Variants in TNFSF4 observed in about 807,000 individuals in gnomAD.
TNFSF4 encodes the protein TNF superfamily member 4, also known as tumor necrosis factor ligand superfamily member 4.
TNFSF4 carries 4 observed loss-of-function variants against 7.3 expected under a neutral mutation model. The observed-to-expected ratio is 0.55, with a 90% CI of 0.27 to 1.25. The LOEUF is 1.25. Ranked by LOEUF, TNFSF4 falls within the 50% of genes most tolerant of loss-of-function variation. TNFSF4 has a pLI of 0.12. For missense variants in TNFSF4, 181 were observed against 208.8 expected, an observed-to-expected ratio of 0.87 and a Z score of 0.82; for synonymous variants, 76 against 83.7, an observed-to-expected ratio of 0.91 and a Z score of 0.50.
At position 173,187,303 on chromosome 1, in the gene TNFSF4, C is replaced by T. The variant is rs560468369; in HGVS notation, c.203-438G>A. On this transcript the variant is annotated intron_variant, in intron 2 of 2. Transcript: ENST00000281834. The stretch of plus-strand genomic sequence containing the variant: ...AAGGATGGATTGGCAACTTCAGTGC[C>T]TCCTTTCTTGCTCAGTGGATGAACT... Among the ~76,000 whole-genome samples, 3 of 152,310 alleles carry T rather than the reference C, an allele frequency of 2.0e-5. No homozygotes were observed. The South Asian group carries it at 6.2e-4, about 32-fold the overall frequency.
the TNFSF4 span, among the ~76,000 whole-genome samples, chr1:173,432,634 C>A: frequency 7.9e-5 from 12 of 151,804 alleles, no homozygotes; most frequent in Non-Finnish European, 1.6e-4. Flanking sequence ...TGTGTACATT[C>A]TTTTATGGCA....
At chr1:173,325,023 A>T in the TNFSF4 span, among the ~76,000 whole-genome samples, 4 of 152,240 alleles carry the variant, frequency 2.6e-5, no homozygotes, top group East Asian at 7.7e-4. Context: ...CCTAAGAGAC[A>T]TCTACAGAAC....
chr1:173,437,388 TTAA>T, the TNFSF4 span, among the ~76,000 whole-genome samples: 2 of 152,214 alleles, frequency 1.3e-5, no homozygotes, highest in Non-Finnish European at 2.9e-5. Flanking sequence ...TAGCTTATTA[TTAA>T]TTATTTGCTT....
chr1:173,411,316 T>C, the TNFSF4 span, among the ~76,000 whole-genome samples: 6 of 152,206 alleles, frequency 3.9e-5, no homozygotes, highest in Admixed American at 1.3e-4. Context: ...GGGTTCCAGC[T>C]GTAGTTCTGG....
At chr1:173,373,283 A>G in the TNFSF4 span, among the ~76,000 whole-genome samples, 1 of 152,228 alleles carries the variant, frequency 6.6e-6, no homozygotes, top group African/African-American at 2.4e-5. Flanking sequence ...AAAAGGCAGA[A>G]GGAAACCATC....
chr1:173,234,408 T>C, the TNFSF4 span, among the ~76,000 whole-genome samples: 65,858 of 151,930 alleles, frequency 0.43, 14,454 homozygotes, highest in Admixed American at 0.53. Flanking sequence ...GGATCTAGAA[T>C]TAGAAATACC....
chr1:173,188,334 C>T (rs1649319112), intron 2 of TNFSF4, 187 bp downstream of exon 2: 7 of 583,202 alleles, frequency 1.2e-5, no homozygotes, highest in Non-Finnish European at 2.1e-5. Flanking sequence ...AATTAATCCC[C>T]TTTTCTCTTT....
chr1:173,186,800 T>C lies in TNFSF4; in HGVS notation c.268A>G (p.Asn90Asp), dbSNP rs201250869. ...QKEDEIMKVQ[N>D]NSVIINCDGF... The stretch of plus-strand genomic sequence containing the variant: ...TCACAGTTGATGATGACTGAGTTGT[T>C]CTGCACCTTCATGATTTCATCCTCC... Residue 90 changes from asparagine (N) to aspartate (D), a missense_variant, in exon 3 of 3, where the codon AAC (asparagine) becomes GAC (aspartate). Coordinates refer to ENST00000281834, the MANE Select transcript of TNFSF4 (RefSeq NM_003326.5). 2 of 1,613,580 alleles carry C rather than the reference T, an allele frequency of 1.2e-6. No individual in the cohort carries two copies. Among genetic ancestry groups the C allele is most frequent in the Non-Finnish European group, 1.7e-6 (2 of 1,179,758 alleles).
chr1:173,422,872 C>T, the TNFSF4 span, among the ~76,000 whole-genome samples: 1 of 152,142 alleles, frequency 6.6e-6, no homozygotes, highest in Non-Finnish European at 1.5e-5. Context: ...AGACGGTGGA[C>T]ACCACCAGAT....
the TNFSF4 span, among the ~76,000 whole-genome samples, chr1:173,353,832 T>G: frequency 6.6e-6 from 1 of 152,230 alleles, no homozygotes; most frequent in East Asian, 1.9e-4. Context: ...GGAATCAGTT[T>G]TAATTGTATT....
the TNFSF4 span, among the ~76,000 whole-genome samples, chr1:173,434,728 T>C: frequency 6.6e-6 from 1 of 152,216 alleles, no homozygotes; most frequent in Non-Finnish European, 1.5e-5. Context: ...GGAACCATAA[T>C]ACCATCTGGG....
Position 173,186,515 on chromosome 1 carries a change from C to G in TNFSF4, c.*1G>C, listed in dbSNP as rs370155078. The G allele has an allele frequency of 2.6e-5, 42 of 1,608,318 alleles. No individual in the cohort carries two copies. Among genetic ancestry groups the G allele is most frequent in the Middle Eastern group, 1.7e-4 (1 of 6,036 alleles). Reference sequence around the variant, plus strand: ...TGGTTTTAGATATTGCCATCAGCCCCTCAAAGGACACAGAATTCACCAGGA... The same window carrying G: ...TGGTTTTAGATATTGCCATCAGCCCGTCAAAGGACACAGAATTCACCAGGA... On this transcript the variant is annotated 3_prime_UTR_variant, in exon 3 of 3. Coordinates refer to ENST00000281834, the MANE Select transcript of TNFSF4 (RefSeq NM_003326.5).
chr1:173,374,137 G>C, the TNFSF4 span, among the ~76,000 whole-genome samples: 3 of 152,190 alleles, frequency 2.0e-5, no homozygotes, highest in East Asian at 5.8e-4. Context: ...ATGGGGCTCA[G>C]TCAATATGAT....
the TNFSF4 span, among the ~76,000 whole-genome samples, chr1:173,327,114 C>T: frequency 2.6e-5 from 4 of 152,294 alleles, no homozygotes; most frequent in Non-Finnish European, 4.4e-5. Context: ...TGACTTCAAA[C>T]TATACTACAA....
At chr1:173,192,422 G>T (rs1649525979) in intron 1 of TNFSF4, among the ~76,000 whole-genome samples, 1 of 152,060 alleles carries the variant, frequency 6.6e-6, no homozygotes, top group African/African-American at 2.4e-5. Context: ...AAGACATGGA[G>T]GAATATTAAA....
At chr1:173,178,158 T>C in the TNFSF4 span, among the ~76,000 whole-genome samples, 1 of 152,182 alleles carries the variant, frequency 6.6e-6, no homozygotes, top group Non-Finnish European at 1.5e-5. Context: ...AAAAATCACA[T>C]GTTTCATAGT....
At chr1:173,191,255 T>C (rs1649464332) in intron 1 of TNFSF4, among the ~76,000 whole-genome samples, 2 of 152,200 alleles carry the variant, frequency 1.3e-5, no homozygotes, top group African/African-American at 4.8e-5. Flanking sequence ...TGTTGGAGTC[T>C]AGACTTCCAG....
chr1:173,321,274 T>C, the TNFSF4 span, among the ~76,000 whole-genome samples: 2 of 152,192 alleles, frequency 1.3e-5, no homozygotes, highest in Admixed American at 6.5e-5. Flanking sequence ...TGGCTAGCCA[T>C]ATGCAGAAAA....
chr1:173,301,060 C>A, the TNFSF4 span, among the ~76,000 whole-genome samples: 4 of 151,932 alleles, frequency 2.6e-5, no homozygotes, highest in Non-Finnish European at 2.9e-5. Context: ...CATTTAATTT[C>A]TTTATGCCTA....
Sources: gnomAD v4.1 joint callset for allele counts (sites outside exome capture counted in the v4.1 genomes callset) on GRCh38, gnomAD v4.1.1 for gene constraint, MANE v1.5 for transcripts, NCBI Gene and HGNC (gene_info 2026-07-23, HGNC 2026-07-21) for gene names.